The following RIOK1 variants were observed in gnomAD, a reference collection of about 807,000 sequenced individuals.
The protein encoded by RIOK1 is RIO kinase 1.
Under a neutral mutation model 73.5 loss-of-function variants are expected in RIOK1, and 66 were observed. The ratio of observed to expected loss-of-function variants is 0.90; its 90% CI spans 0.74 to 1.10. The LOEUF is 1.10. RIOK1 is among the 50% of genes least tolerant of loss of function. The probability of loss-of-function intolerance (pLI) is 0.00; values close to 1 mark genes in which losing one functional copy is unlikely to be tolerated. For missense variants in RIOK1, 658 were observed against 699.8 expected, an observed-to-expected ratio of 0.94 and a Z score of 0.67; for synonymous variants, 224 against 226.8, an observed-to-expected ratio of 0.99 and a Z score of 0.11.
rs2113531645 is a variant in RIOK1, at chr6:7,414,280, T to C, written c.1486T>C (p.Ser496Pro). 2 of 1,613,890 alleles carry C rather than the reference T, an allele frequency of 1.2e-6. No individual in the cohort carries two copies. The highest frequency in any genetic ancestry group is 1.7e-6 in the Non-Finnish European group (2 of 1,179,906). ...AAATCAAGTGGAGGAAAGGACTTGTTCTGATTCAGAAGATATTGGAAGCTC... is the reference window on the plus strand; with the variant it reads ...AAATCAAGTGGAGGAAAGGACTTGTCCTGATTCAGAAGATATTGGAAGCTC... ...LENQVEERTC[S>P]DSEDIGSSEC... The change falls in exon 16 of 17, where the codon TCT becomes CCT. Residue 496 changes from serine to proline, a missense_variant. By Grantham distance (74) the Ser-to-Pro change is moderately conservative. Coordinates refer to ENST00000379834, the MANE Select transcript of RIOK1 (RefSeq NM_031480.3).
chr6:7,399,302 C>T (rs945514341), intron 5 of RIOK1, among the ~76,000 whole-genome samples: 1 of 152,128 alleles, frequency 6.6e-6, no homozygotes, highest in Non-Finnish European at 1.5e-5. Context: ...TTTGCCTCTG[C>T]CACCTACCAC....
Position 7,401,389 on chromosome 6 carries a change from C to T in RIOK1, c.573+339C>T, listed in dbSNP as rs187376392. Among the ~76,000 whole-genome samples, 47 of 152,154 alleles carry T rather than the reference C, an allele frequency of 3.1e-4. No homozygotes were observed. In the East Asian group the frequency reaches 4.8e-3, roughly 16 times the overall value. On this transcript the variant is annotated intron_variant, in intron 6 of 16. Coordinates refer to ENST00000379834, the MANE Select transcript of RIOK1 (RefSeq NM_031480.3). ...TCTTTCTTATTTTTTTCTTTACCTA[C>T]GGGTATACTGCCTTCTGTTTGTTAG...
chr6:7,407,808 T>A (rs1017732355), intron 12 of RIOK1, among the ~76,000 whole-genome samples: 2 of 152,168 alleles, frequency 1.3e-5, no homozygotes, highest in East Asian at 1.9e-4. Context: ...GTCTTTTTTT[T>A]AATCAGGTTT....
At chr6:7,398,634 T>G in intron 4 of RIOK1, 64 bp from the exon 5 acceptor site, 1 of 1,193,402 alleles carries the variant, frequency 8.4e-7, no homozygotes, top group East Asian at 2.3e-5. Flanking sequence ...TATCTACATT[T>G]AGAAGATTTT....
At chr6:7,409,815 A>AAAC (rs1561880624) in intron 12 of RIOK1, among the ~76,000 whole-genome samples, 1 of 143,128 alleles carries the variant, frequency 7.0e-6, no homozygotes. Context: ...AAAAAAAAAA[A>AAAC]CCTCTGCTCC....
At chr6:7,409,799 A>C (rs1052015142) in intron 12 of RIOK1, among the ~76,000 whole-genome samples, 1 of 150,948 alleles carries the variant, frequency 6.6e-6, no homozygotes, top group African/African-American at 2.4e-5. Flanking sequence ...TAAACTCAAA[A>C]AAAAAAAAAA....
intron 5 of RIOK1, among the ~76,000 whole-genome samples, chr6:7,399,823 C>G (rs1027797999): frequency 3.3e-5 from 5 of 152,176 alleles, no homozygotes; most frequent in African/African-American, 1.2e-4. Flanking sequence ...TCTCTAGTTG[C>G]AATGGTCGTG....
At position 7,398,707 on chromosome 6, in the gene RIOK1, C is replaced by G. The variant is rs753139384; in HGVS notation, c.447C>G (p.Ile149Met). 25 of 1,612,792 alleles carry G rather than the reference C, an allele frequency of 1.6e-5. No individual in the cohort carries two copies. Among genetic ancestry groups the G allele is most frequent in the Non-Finnish European group, 2.5e-6 (3 of 1,179,382 alleles). ...SRQKEADMYR[I>M]KDKADRATVE... is the part of the protein sequence containing the mutation. ...TTTTGTTTTTGGTTAGGTATCGCAT[C>G]AAAGATAAGGCAGACAGAGCAACTG... The change falls in exon 5 of 17, where the codon ATC becomes ATG. Residue 149 changes from isoleucine to methionine, a missense_variant. By Grantham distance (10) the Ile-to-Met change is conservative (BLOSUM62 1). Transcript: ENST00000379834.
intron 12 of RIOK1, among the ~76,000 whole-genome samples, chr6:7,406,143 C>G (rs1296151262): frequency 6.6e-6 from 1 of 152,030 alleles, no homozygotes; most frequent in African/African-American, 2.4e-5. Flanking sequence ...ACTACAGGCA[C>G]ACGCCACCAC....
intron 1 of RIOK1, 51 bp downstream of exon 1, chr6:7,390,124 G>A: frequency 1.4e-6 from 2 of 1,480,018 alleles, no homozygotes; most frequent in South Asian, 1.2e-5. Flanking sequence ...CTCCTTGACC[G>A]CCCCCTTGGG....
At chr6:7,392,834 T>C in intron 1 of RIOK1, 1 of 678,234 alleles carries the variant, frequency 1.5e-6, no homozygotes, top group Non-Finnish European at 1.8e-6. Context: ...AATTTCTAAC[T>C]TTAACAAGGC....
Position 7,405,406 on chromosome 6 carries a change from A to G in RIOK1, c.1203+51A>G, listed in dbSNP as rs149641588. The G allele has an allele frequency of 3.7e-4, 388 of 1,058,560 alleles. 2 individuals are homozygous for G. The East Asian group carries it at 7.3e-3, about 20-fold the overall frequency. The allele number at this position is 1,058,560 out of a possible 1,614,324, so 65.6% of individuals were successfully genotyped here. ...TAGGAAATAGCAGTACAGGTGCAGT[A>G]TCTCTTATCTCAAGTGCTTGGGACC... On this transcript the variant is annotated intron_variant, in intron 12 of 16. Coordinates refer to ENST00000379834, the MANE Select transcript of RIOK1 (RefSeq NM_031480.3).
chr6:7,402,438 C>T (rs1167083097), intron 6 of RIOK1, among the ~76,000 whole-genome samples, 165 bp from the exon 7 acceptor site: 6 of 152,108 alleles, frequency 3.9e-5, no homozygotes, highest in Admixed American at 3.9e-4. Flanking sequence ...GTTTACTGTC[C>T]TTTTGATGTA....
At chr6:7,395,942 A>G (rs1761464660) in intron 3 of RIOK1, among the ~76,000 whole-genome samples, 1 of 152,152 alleles carries the variant, frequency 6.6e-6, no homozygotes, top group Non-Finnish European at 1.5e-5. Flanking sequence ...TCCTGAGCTC[A>G]AGTGATCTGT....
At chr6:7,408,407 T>A (rs1761802041) in intron 12 of RIOK1, among the ~76,000 whole-genome samples, 1 of 151,304 alleles carries the variant, frequency 6.6e-6, no homozygotes, top group Non-Finnish European at 1.5e-5. Flanking sequence ...TTTCTGCCTT[T>A]GCTCAACTTT....
Position 7,415,429 on chromosome 6 carries a change from A to G in RIOK1, c.1596+1039A>G, listed in dbSNP as rs1761976652. 3.3e-5 allele frequency among the ~76,000 whole-genome samples: 5 copies of G among 152,198 alleles called. No homozygotes were observed. The South Asian group carries it at 8.3e-4, about 25-fold the overall frequency. ...AAAAATAAATAAAAGGAAAAGAATC[A>G]TATGCTGAAGTTGCTGGTGAGAATC... On this transcript the variant is annotated intron_variant, in intron 16 of 16. Transcript: ENST00000379834.
chr6:7,417,183 G>A (rs1264468104), intron 16 of RIOK1, 148 bp from the exon 17 acceptor site: 1 of 487,264 alleles, frequency 2.1e-6, no homozygotes, highest in East Asian at 3.6e-5. Context: ...CCCAGGAGGT[G>A]GAGGCTGAAG....
At position 7,396,758 on chromosome 6, in the gene RIOK1, A is replaced by G; in HGVS notation, c.423A>G (p.Gln141=). ...VINKVTEKSR[Q]KEADMYRIKD... is the part of the protein sequence containing the mutation. ...ATAAAGTCACCGAAAAGTCTAGACA[A>G]AAGGAAGCAGATATGTAAGTAATAT... Residue 141 remains glutamine (Q), a synonymous_variant, in exon 4 of 17, where the codon CAA becomes CAG. Transcript: ENST00000379834. The G allele has an allele frequency of 6.3e-7, 1 of 1,585,616 alleles. No individual in the cohort carries two copies. Among genetic ancestry groups the G allele is most frequent in the Non-Finnish European group, 8.7e-7 (1 of 1,155,100 alleles).
Position 7,405,275 on chromosome 6 carries a change from G to C in RIOK1, c.1123G>C (p.Val375Leu), listed in dbSNP as rs56067778. The C allele has an allele frequency of 6.2e-7, 1 of 1,611,926 alleles. No homozygotes were observed. The highest frequency in any genetic ancestry group is 8.5e-7 in the Non-Finnish European group (1 of 1,178,174). ...TTTCTTTATGAGGCACAGTGTTGCT[G>C]TCATGACTGTGCGGGAGCTCTTTGA... ...NDFFMRHSVA[V>L]MTVRELFEFV... Residue 375 changes from valine (V) to leucine (L), a missense_variant, in exon 12 of 17, where the codon GTC becomes CTC. By Grantham distance (32) the Val-to-Leu change is conservative. Transcript: ENST00000379834.
Sources: gnomAD v4.1 joint callset for allele counts (sites outside exome capture counted in the v4.1 genomes callset) on GRCh38, gnomAD v4.1.1 for gene constraint, MANE v1.5 for transcripts, NCBI Gene and HGNC (gene_info 2026-07-23, HGNC 2026-07-21) for gene names.